The following LARS1 variants were observed in gnomAD, a reference collection of about 807,000 sequenced individuals.
The protein encoded by LARS1 is leucyl-tRNA synthetase 1.
In LARS1, 100 loss-of-function variants were observed where a neutral mutation model predicts 162.8. The observed-to-expected ratio is 0.61, with a 90% CI of 0.52 to 0.73. The LOEUF (loss-of-function observed/expected upper bound fraction) is 0.73. Ranked by LOEUF, LARS1 falls within the 30% of genes least tolerant of loss-of-function variation. The pLI, the probability that LARS1 is intolerant of heterozygous loss-of-function variation, is 0.00. For synonymous variants in LARS1, 457 were observed against 462.8 expected, an observed-to-expected ratio of 0.99 and a Z score of 0.16; for missense variants, 1,258 against 1,408.9, an observed-to-expected ratio of 0.89 and a Z score of 1.71.
At chr5:146,147,932 CAAGT>C (rs1194955486) in intron 15 of LARS1, among the ~76,000 whole-genome samples, 1 of 152,064 alleles carries the variant, frequency 6.6e-6, no homozygotes, top group Non-Finnish European at 1.5e-5. Context: ...TCAGGGGAAA[CAAGT>C]TAGTTACAAA....
At chr5:146,129,564 G>T (rs571908177) in intron 25 of LARS1, among the ~76,000 whole-genome samples, 13 of 152,264 alleles carry the variant, frequency 8.5e-5, no homozygotes, top group African/African-American at 3.1e-4. Flanking sequence ...AATATGGCTG[G>T]AAAGGAGTTA....
At chr5:146,164,677 A>AGATGTCTTG (rs1753923258) in intron 5 of LARS1, among the ~76,000 whole-genome samples, 1 of 152,224 alleles carries the variant, frequency 6.6e-6, no homozygotes, top group Admixed American at 6.5e-5. Flanking sequence ...CAAACTGTAT[A>AGATGTCTTG]GCCAAGATAT....
At chr5:146,120,688 T>C (rs887946569) in intron 30 of LARS1, among the ~76,000 whole-genome samples, 185 bp from the exon 31 acceptor site, 21 of 152,152 alleles carry the variant, frequency 1.4e-4, no homozygotes, top group African/African-American at 5.1e-4. Context: ...AATGCCTAGG[T>C]AAAGATGACT....
At chr5:146,133,686 G>A (rs1388246037) in intron 22 of LARS1, among the ~76,000 whole-genome samples, 2 of 112,926 alleles carry the variant, frequency 1.8e-5, no homozygotes, top group African/African-American at 6.3e-5. Flanking sequence ...GAACACTATA[G>A]GGTTGCAAAA....
At chr5:146,161,888 T>C (rs1190099671) in intron 6 of LARS1, among the ~76,000 whole-genome samples, 1 of 152,202 alleles carries the variant, frequency 6.6e-6, no homozygotes, top group Admixed American at 6.5e-5. Flanking sequence ...AGACTCCATC[T>C]CAAGAAACTA....
At chr5:146,120,291 T>A in intron 31 of LARS1, 80 bp downstream of exon 31, 1 of 1,447,460 alleles carries the variant, frequency 6.9e-7, no homozygotes, top group South Asian at 1.2e-5. Flanking sequence ...GCAAGCCGGT[T>A]TCTTTTCTTT....
chr5:146,169,697 T>G (rs1031857965), intron 4 of LARS1, among the ~76,000 whole-genome samples: 1 of 152,022 alleles, frequency 6.6e-6, no homozygotes, highest in Non-Finnish European at 1.5e-5. Flanking sequence ...TACAGGCACC[T>G]GCCACCACGC....
chr5:146,149,732 T>C (rs977463731), intron 14 of LARS1, 33 bp from the exon 15 acceptor site: 1 of 1,476,054 alleles, frequency 6.8e-7, no homozygotes, highest in Non-Finnish European at 9.5e-7. Flanking sequence ...AAACCACATA[T>C]AAAACAGTTA....
intron 31 of LARS1, among the ~76,000 whole-genome samples, chr5:146,116,202 T>C (rs760840671): frequency 1.2e-4 from 18 of 152,204 alleles, no homozygotes; most frequent in Non-Finnish European, 2.5e-4. Flanking sequence ...GCCACGATCT[T>C]ATTTTGGGGA....
At chr5:146,123,337 T>C (rs1206937182) in intron 29 of LARS1, among the ~76,000 whole-genome samples, 2 of 151,932 alleles carry the variant, frequency 1.3e-5, no homozygotes, top group Admixed American at 6.6e-5. Context: ...ATTTACGATC[T>C]ATATATAAAG....
chr5:146,134,847 G>A (rs529806940), intron 22 of LARS1, among the ~76,000 whole-genome samples: 5 of 152,272 alleles, frequency 3.3e-5, no homozygotes, highest in Admixed American at 3.3e-4. Flanking sequence ...TATTTGAGAG[G>A]CTGAGGCACA....
chr5:146,175,393 C>T (rs995639020), intron 2 of LARS1, among the ~76,000 whole-genome samples: 6 of 150,720 alleles, frequency 4.0e-5, no homozygotes, highest in Non-Finnish European at 7.4e-5. Flanking sequence ...AAAATTAAAA[C>T]TTAGCCAGGC....
At chr5:146,154,013 A>G (rs779159256) in intron 10 of LARS1, 33 bp from the exon 11 acceptor site, 2 of 1,431,118 alleles carry the variant, frequency 1.4e-6, no homozygotes, top group Non-Finnish European at 1.9e-6. Flanking sequence ...TAAAAGGTGA[A>G]GTAATTCATT....
chr5:146,164,323 C>G lies in LARS1; in HGVS notation c.581G>C (p.Arg194Thr), dbSNP rs887842609. The change falls in exon 6 of 32, where the codon AGA (arginine) becomes ACA (threonine). Residue 194 changes from arginine (R) to threonine (T), a missense_variant. Transcript: ENST00000394434. The part of the protein sequence containing the change: ...FPPLAIQDLK[R>T]MGLKVDWRRS... ...TTATAGACATACCTTCAAACCCATT[C>G]TTTTTAAATCCTGAATAGCCAGTGG... The G allele has an allele frequency of 6.2e-7, 1 of 1,613,850 alleles. No homozygotes were observed. Among genetic ancestry groups the G allele is most frequent in the African/African-American group, 1.3e-5 (1 of 74,910 alleles).
chr5:146,134,939 ACT>A (rs1352316832), intron 22 of LARS1, among the ~76,000 whole-genome samples: 2 of 152,112 alleles, frequency 1.3e-5, no homozygotes, highest in Non-Finnish European at 2.9e-5. Flanking sequence ...ACAGAGCAAG[ACT>A]CTGTCTCAGT....
At position 146,159,485 on chromosome 5, in the gene LARS1, A is replaced by G; in HGVS notation, c.708-15T>C. ...AAATTGTATACCTAAAAAATAAACA[A>G]AAAGTGACAAACATTATTATAATAT... On this transcript the variant is annotated splice_polypyrimidine_tract_variant and intron_variant, in intron 7 of 31. Coordinates refer to ENST00000394434, the MANE Select transcript of LARS1 (RefSeq NM_020117.11). 1 of 1,577,918 alleles carries G rather than the reference A, an allele frequency of 6.3e-7. No individual in the cohort carries two copies. The highest frequency in any genetic ancestry group is 8.7e-7 in the Non-Finnish European group (1 of 1,147,470).
chr5:146,136,482 ATTTTTT>A (rs35080569), intron 21 of LARS1, among the ~76,000 whole-genome samples: 1 of 141,648 alleles, frequency 7.1e-6, no homozygotes, highest in African/African-American at 2.6e-5. Flanking sequence ...CAGATTACCT[ATTTTTT>A]TTTTTTTTTT....
intron 23 of LARS1, 71 bp downstream of exon 23, chr5:146,132,827 G>T: frequency 1.8e-6 from 2 of 1,119,020 alleles, no homozygotes; most frequent in Non-Finnish European, 2.5e-6. Context: ...GAAAAGAAAA[G>T]AAAAAGAAAA....
chr5:146,182,089 C>G (rs1754898136), intron 1 of LARS1: 1 of 181,282 alleles, frequency 5.5e-6, no homozygotes, highest in Non-Finnish European at 1.2e-5. Context: ...AACAGGCGCG[C>G]ACCACTACGC....
Sources: gnomAD v4.1 joint callset for allele counts (sites outside exome capture counted in the v4.1 genomes callset) on GRCh38, gnomAD v4.1.1 for gene constraint, MANE v1.5 for transcripts, NCBI Gene and HGNC (gene_info 2026-07-23, HGNC 2026-07-21) for gene names.